The following MYRIP variants were observed in gnomAD, a reference collection of about 807,000 sequenced individuals.
MYRIP encodes myosin VIIA and Rab interacting protein.
In MYRIP, 49 loss-of-function variants were observed where a neutral mutation model predicts 98.0. The observed-to-expected ratio is 0.50, with a 90% CI of 0.40 to 0.63. The LOEUF is 0.63. Among genes scored for constraint, MYRIP ranks in the 30% least tolerant of loss-of-function variants. The pLI is 0.00. For missense variants in MYRIP, 1,004 were observed against 1,058.2 expected (o/e 0.95, Z 0.71); for synonymous variants, 404 against 409.5 (o/e 0.99, Z 0.16).
chr3:40,241,709 A>C (rs1436173043), intron 12 of MYRIP, among the ~76,000 whole-genome samples: 1 of 152,226 alleles, frequency 6.6e-6, no homozygotes, highest in African/African-American at 2.4e-5. Flanking sequence ...TGTTGAACCA[A>C]GAGCCAGTGA....
chr3:40,005,757 C>T (rs1383009150), intron 2 of MYRIP, among the ~76,000 whole-genome samples: 2 of 152,120 alleles, frequency 1.3e-5, no homozygotes, highest in African/African-American at 4.8e-5. Flanking sequence ...TTTTGCAACA[C>T]CATATATATA....
At chr3:40,148,185 T>G (rs1950048295) in intron 3 of MYRIP, among the ~76,000 whole-genome samples, 1 of 152,204 alleles carries the variant, frequency 6.6e-6, no homozygotes, top group Non-Finnish European at 1.5e-5. Flanking sequence ...TATTTTTTTC[T>G]GTGTGAAGCC....
At position 39,926,417 on chromosome 3, in the gene MYRIP, T is replaced by G. The variant is rs562338316; in HGVS notation, c.110+25491T>G. On this transcript the variant is annotated intron_variant, in intron 2 of 16. Transcript: ENST00000302541. ...GTCATAAATTCCTTGCCAAGGTCGATGTCTAGAATGGTGTTTCCCAGGTTT... is the reference window on the plus strand; with the variant it reads ...GTCATAAATTCCTTGCCAAGGTCGAGGTCTAGAATGGTGTTTCCCAGGTTT... 2.1e-3 allele frequency among the ~76,000 whole-genome samples: 322 copies of G among 152,248 alleles called. 1 individual carries two copies. Among genetic ancestry groups the G allele is most frequent in the African/African-American group, 7.3e-3 (305 of 41,582 alleles).
chr3:39,890,376 T>G (rs1350283937), intron 1 of MYRIP, among the ~76,000 whole-genome samples: 1 of 152,114 alleles, frequency 6.6e-6, no homozygotes, highest in Non-Finnish European at 1.5e-5. Context: ...TCCCCATTTC[T>G]TCATTCATGG....
In MYRIP at chr3:39,964,423, T is replaced by C. The variant is rs376275210; in HGVS notation, c.110+63497T>C. Reference sequence around the variant, plus strand: ...GGCTCCTCACAATTGTGTTTGTTATTAGAGCCTGAACGTGAGAAGAAATCA... The same window carrying C: ...GGCTCCTCACAATTGTGTTTGTTATCAGAGCCTGAACGTGAGAAGAAATCA... On this transcript the variant is annotated intron_variant, in intron 2 of 16. Transcript: ENST00000302541. Among the ~76,000 whole-genome samples, 15 of 152,280 alleles carry C rather than the reference T, an allele frequency of 9.9e-5. No homozygotes were observed. In the South Asian group the frequency reaches 2.9e-3, roughly 29 times the overall value.
At chr3:39,953,625 G>C (rs534378697) in intron 2 of MYRIP, among the ~76,000 whole-genome samples, 9 of 152,266 alleles carry the variant, frequency 5.9e-5, no homozygotes, top group Admixed American at 3.9e-4. Flanking sequence ...CGACACAGAA[G>C]ACGGGTGATT....
At chr3:39,929,832 G>GTGTT (rs1290091753) in intron 2 of MYRIP, among the ~76,000 whole-genome samples, 1 of 151,970 alleles carries the variant, frequency 6.6e-6, no homozygotes, top group African/African-American at 2.4e-5. Context: ...ATCATGCAAT[G>GTGTT]TGTTGCCTTT....
chr3:39,821,119 A>G (rs1484481652), intron 1 of MYRIP, among the ~76,000 whole-genome samples: 1 of 152,234 alleles, frequency 6.6e-6, no homozygotes, highest in Non-Finnish European at 1.5e-5. Context: ...AAAGGTGGAA[A>G]CATTGCTAGA....
intron 2 of MYRIP, among the ~76,000 whole-genome samples, chr3:40,015,015 A>G (rs770062329): frequency 6.6e-5 from 10 of 152,124 alleles, no homozygotes; most frequent in Non-Finnish European, 1.3e-4. Context: ...ATCTTTTAGC[A>G]AAGTCCATTC....
intron 2 of MYRIP, among the ~76,000 whole-genome samples, chr3:39,989,224 TATTGTTGTTGTTGC>T (rs1946109969): frequency 6.6e-6 from 1 of 152,168 alleles, no homozygotes; most frequent in African/African-American, 2.4e-5. Context: ...TTGTTGATGC[TATTGTTGTTGTTGC>T]ATTGTTGTTG....
chr3:40,135,909 A>G (rs1332069046), intron 3 of MYRIP, among the ~76,000 whole-genome samples: 2 of 152,246 alleles, frequency 1.3e-5, no homozygotes, highest in African/African-American at 4.8e-5. Flanking sequence ...GGAACAACCG[A>G]TACCAACCAC....
Position 39,935,488 on chromosome 3 carries a change from C to G in MYRIP, c.110+34562C>G, listed in dbSNP as rs115147621. 2.2e-3 allele frequency among the ~76,000 whole-genome samples: 331 copies of G among 152,224 alleles called. 1 individual carries two copies. The highest frequency in any genetic ancestry group is 6.9e-3 in the African/African-American group (285 of 41,546). On this transcript the variant is annotated intron_variant, in intron 2 of 16. Transcript: ENST00000302541. ...GGATTAGGAAGTCAGGGCCATTGTT[C>G]TGCAGGAAGCAACAGGAAAGCTAGA...
intron 3 of MYRIP, among the ~76,000 whole-genome samples, chr3:40,107,751 T>C (rs1003004057): frequency 6.6e-6 from 1 of 152,168 alleles, no homozygotes; most frequent in African/African-American, 2.4e-5. Context: ...CAAAGAAACA[T>C]TCCAGATATC....
At chr3:40,001,614 C>G (rs1009436332) in intron 2 of MYRIP, among the ~76,000 whole-genome samples, 2 of 152,210 alleles carry the variant, frequency 1.3e-5, no homozygotes, top group Non-Finnish European at 2.9e-5. Flanking sequence ...CTTCAAAGCA[C>G]CTCTGAGTGT....
In MYRIP at chr3:40,185,945, G is replaced by A. The variant is rs969911837; in HGVS notation, c.1027+3572G>A. The stretch of plus-strand genomic sequence containing the variant: ...AGTATTCATGTGCCCAGGATGAGAC[G>A]CAAAGTTGGCCAGGGGCTTGGGGCA... On this transcript the variant is annotated intron_variant, in intron 9 of 16. Coordinates refer to ENST00000302541, the MANE Select transcript of MYRIP (RefSeq NM_015460.4). Among the ~76,000 whole-genome samples, 19 of 152,264 alleles carry A rather than the reference G, an allele frequency of 1.2e-4. No homozygotes were observed. In the East Asian group the frequency reaches 2.3e-3, roughly 19 times the overall value.
chr3:40,171,690 C>T (rs561508740), intron 8 of MYRIP, among the ~76,000 whole-genome samples: 71 of 152,326 alleles, frequency 4.7e-4, no homozygotes, highest in Admixed American at 2.3e-3. Flanking sequence ...AGTTTCGTGT[C>T]TGTAAAGTGG....
intron 3 of MYRIP, among the ~76,000 whole-genome samples, chr3:40,083,515 G>A: frequency 6.6e-6 from 1 of 152,096 alleles, no homozygotes; most frequent in Non-Finnish European, 1.5e-5. Context: ...AAGGGAAGAA[G>A]AATACTGAAT....
intron 2 of MYRIP, among the ~76,000 whole-genome samples, chr3:40,035,145 G>C (rs1233773621): frequency 1.3e-5 from 2 of 150,924 alleles, no homozygotes; most frequent in Non-Finnish European, 3.0e-5. Context: ...AATGGGTGCA[G>C]CACACCAGCA....
intron 2 of MYRIP, among the ~76,000 whole-genome samples, chr3:39,970,553 C>T (rs796066494): frequency 6.6e-6 from 1 of 152,104 alleles, no homozygotes; most frequent in Non-Finnish European, 1.5e-5. Flanking sequence ...TACTTTTCCC[C>T]ACTTATTTGC....
Sources: allele counts gnomAD v4.1 joint callset (sites outside exome capture counted in the v4.1 genomes callset), GRCh38; gene constraint gnomAD v4.1.1; transcripts MANE v1.5; gene names NCBI Gene and HGNC (gene_info 2026-07-23, HGNC 2026-07-21).